The following GDA variants were observed in gnomAD, a reference collection of about 807,000 sequenced individuals.
GDA encodes guanine deaminase.
Under a neutral mutation model 59.6 loss-of-function variants are expected in GDA, and 18 were observed. The ratio of observed to expected loss-of-function variants is 0.30; its 90% CI spans 0.21 to 0.45. The LOEUF (loss-of-function observed/expected upper bound fraction) is 0.45. Ranked by LOEUF, GDA falls within the 20% of genes least tolerant of loss-of-function variation. GDA has a pLI of 1.00. For missense variants in GDA, 427 were observed against 552.3 expected (o/e 0.77, Z 2.27); for synonymous variants, 201 against 201.1 (o/e 1.00, Z 0.00).
intron 1 of GDA, among the ~76,000 whole-genome samples, chr9:72,188,532 G>C (rs1008088475): frequency 6.6e-6 from 1 of 152,242 alleles, no homozygotes; most frequent in African/African-American, 2.4e-5. Context: ...CATGCAGAAT[G>C]CAAGATCTAT....
At chr9:72,222,796 T>A (rs1020683185) in intron 6 of GDA, among the ~76,000 whole-genome samples, 1 of 146,492 alleles carries the variant, frequency 6.8e-6, no homozygotes, top group African/African-American at 2.5e-5. Flanking sequence ...AACCTCCGCC[T>A]CCTAGGTTCA....
At chr9:72,189,166 CTT>C (rs71493640) in intron 1 of GDA, among the ~76,000 whole-genome samples, 34 of 54,918 alleles carry the variant, frequency 6.2e-4, no homozygotes, top group Non-Finnish European at 9.7e-4. Flanking sequence ...AGACTCTAGA[CTT>C]TTTTTTTTTT....
At chr9:72,160,244 G>T (rs1564176458) in intron 1 of GDA, among the ~76,000 whole-genome samples, 1 of 152,204 alleles carries the variant, frequency 6.6e-6, no homozygotes, top group Non-Finnish European at 1.5e-5. Flanking sequence ...GGGAGGCGGA[G>T]CTTGCAGTGA....
intron 1 of GDA, among the ~76,000 whole-genome samples, chr9:72,155,734 A>G (rs1827814210): frequency 1.3e-5 from 2 of 152,226 alleles, no homozygotes; most frequent in Admixed American, 6.5e-5. Flanking sequence ...GAGGTCAGAT[A>G]GGAGCCTGTT....
Position 72,249,265 on chromosome 9 carries a change from C to CA in GDA, c.*924dup. On this transcript the variant is annotated 3_prime_UTR_variant, in exon 14 of 14. Coordinates refer to ENST00000358399, the MANE Select transcript of GDA (RefSeq NM_004293.5). The stretch of plus-strand genomic sequence containing the variant: ...GGCATCCAGGAGCCGCCAATACTAA[C>CA]AGGACAGGTTCCATTGCCATGGCCT... 1 of 985,330 alleles carries CA rather than the reference C, an allele frequency of 1.0e-6. No individual in the cohort carries two copies. Among genetic ancestry groups the CA allele is most frequent in the Non-Finnish European group, 1.2e-6 (1 of 829,852 alleles). 61.0% of individuals were successfully genotyped at this position (985,330 alleles called of 1,614,324 possible). A position where few individuals can be genotyped will look rare whatever the true frequency, so the allele number is the denominator to read the frequency against.
Position 72,149,822 on chromosome 9 carries a change from C to T in GDA, c.123+140C>T, listed in dbSNP as rs1485163251. The T allele has an allele frequency of 8.0e-6, 7 of 869,574 alleles. No homozygotes were observed. In the Admixed American group the frequency reaches 2.2e-4, roughly 27 times the overall value. 53.9% of individuals were successfully genotyped at this position (869,574 alleles called of 1,614,324 possible). ...TCCGGAGTTGAACTTGAGTCTTTGG[C>T]TCTTGGGCAACGCAGAGAGAACCCT... On this transcript the variant is annotated intron_variant, in intron 1 of 13. Transcript: ENST00000358399.
intron 1 of GDA, among the ~76,000 whole-genome samples, chr9:72,160,130 T>A (rs1366289365): frequency 6.6e-6 from 1 of 151,922 alleles, no homozygotes; most frequent in African/African-American, 2.4e-5. Flanking sequence ...AAACCCCGTC[T>A]CTACTAAAAA....
At chr9:72,130,075 A>G (rs76294099) in intron 1 of GDA, among the ~76,000 whole-genome samples, 1,792 of 152,316 alleles carry the variant, frequency 0.012, 38 homozygotes, top group African/African-American at 0.04. Context: ...TGCACTGAGC[A>G]GTCACTGAGA....
intron 1 of GDA, among the ~76,000 whole-genome samples, chr9:72,171,521 G>C (rs1829970324): frequency 6.6e-6 from 1 of 152,096 alleles, no homozygotes; most frequent in Admixed American, 6.5e-5. Context: ...CTTAACCTGG[G>C]AAAATTTGGA....
At chr9:72,183,056 T>C (rs183411641) in intron 1 of GDA, among the ~76,000 whole-genome samples, 4 of 152,254 alleles carry the variant, frequency 2.6e-5, no homozygotes, top group Non-Finnish European at 1.5e-5. Flanking sequence ...GTATTTTCCT[T>C]ACCAGAGCCC....
intron 1 of GDA, among the ~76,000 whole-genome samples, chr9:72,136,881 A>T (rs1826244070): frequency 6.6e-6 from 1 of 152,098 alleles, no homozygotes; most frequent in South Asian, 2.1e-4. Context: ...AGGCTGAGGC[A>T]GGAGAATGGC....
In GDA at chr9:72,251,545, A is replaced by G. The variant is rs1412731772; in HGVS notation, c.*3203A>G. 1 of 152,162 alleles carries G rather than the reference A, an allele frequency of 6.6e-6. No individual in the cohort carries two copies. The highest frequency in any genetic ancestry group is 2.1e-4 in the South Asian group (1 of 4,832). The allele number at this position is 152,162 out of a possible 1,614,324, so 9.4% of individuals were successfully genotyped here. On this transcript the variant is annotated 3_prime_UTR_variant, in exon 14 of 14. Transcript: ENST00000358399. ...TGGAAACATTCACACGCTTAAAAGC[A>G]ATGGTGTGAGTTATTAATGGGTAAA...
chr9:72,231,147 C>A lies in GDA; in HGVS notation c.954C>A (p.Val318=), dbSNP rs1047940406. 1.3e-6 allele frequency: 2 copies of A among 1,597,606 alleles called. No individual in the cohort carries two copies. Among genetic ancestry groups the A allele is most frequent in the Non-Finnish European group, 1.7e-6 (2 of 1,165,132 alleles). ...LSSGFLNVLE[V]LKHEVKIGLG... ...GTGGATTTCTAAATGTGCTAGAAGT[C>A]CTGAAACATGAAGTCAAGATAGGGC... is the stretch of plus-strand genomic sequence containing the variant. The change falls in exon 10 of 14, where the codon GTC becomes GTA. Residue 318 remains valine (V), a synonymous_variant. Transcript: ENST00000358399.
chr9:72,202,783 T>G (rs372372452), intron 3 of GDA, 41 bp downstream of exon 3: 2 of 1,437,054 alleles, frequency 1.4e-6, no homozygotes, highest in Non-Finnish European at 1.9e-6. Context: ...TGTTTGGTCA[T>G]CTATAGAAAT....
chr9:72,146,099 G>T (rs1826619878), upstream of GDA, among the ~76,000 whole-genome samples: 1 of 138,384 alleles, frequency 7.2e-6, no homozygotes, highest in South Asian at 2.5e-4. Flanking sequence ...TAACACTCTA[G>T]AGCAGAAATG....
rs35524358 is a variant in GDA at position 72,225,988 on chromosome 9, A to AGTGT, written c.822+228_822+231dup. Among the ~76,000 whole-genome samples, 88 of 148,006 alleles carry AGTGT rather than the reference A, an allele frequency of 5.9e-4. 1 individual carries two copies. Among genetic ancestry groups the AGTGT allele is most frequent in the South Asian group, 1.9e-3 (9 of 4,636 alleles). On this transcript the variant is annotated intron_variant, in intron 8 of 13. Coordinates refer to ENST00000358399, the MANE Select transcript of GDA (RefSeq NM_004293.5). Reference sequence around the variant, plus strand: ...CATTTCTTAAATTAGAGTAAAGCCTAGTGTGTGTGTGTGTGTGTGTGTGTG... The same window carrying AGTGT: ...CATTTCTTAAATTAGAGTAAAGCCTAGTGTGTGTGTGTGTGTGTGTGTGTGTGTG...
chr9:72,123,399 G>C (rs1825736241), intron 1 of GDA, among the ~76,000 whole-genome samples: 1 of 151,472 alleles, frequency 6.6e-6, no homozygotes, highest in Non-Finnish European at 1.5e-5. Flanking sequence ...TAGCCAGGAG[G>C]GTCTTGATCT....
chr9:72,186,640 A>C (rs1831891423), intron 1 of GDA, among the ~76,000 whole-genome samples: 1 of 152,224 alleles, frequency 6.6e-6, no homozygotes, highest in Non-Finnish European at 1.5e-5. Context: ...GAACAAAAGC[A>C]AGACAAAAAT....
chr9:72,223,708 T>C (rs1837194077), intron 7 of GDA, among the ~76,000 whole-genome samples: 1 of 152,216 alleles, frequency 6.6e-6, no homozygotes, highest in African/African-American at 2.4e-5. Flanking sequence ...AGTTTCTTAA[T>C]TTAAAATCAG....
Sources: gnomAD v4.1 joint callset for allele counts (sites outside exome capture counted in the v4.1 genomes callset) on GRCh38, gnomAD v4.1.1 for gene constraint, MANE v1.5 for transcripts, NCBI Gene and HGNC (gene_info 2026-07-23, HGNC 2026-07-21) for gene names.